Variants in CACNA1C observed in about 807,000 individuals in gnomAD.
CACNA1C encodes the protein voltage-dependent L-type calcium channel subunit alpha-1C.
A neutral mutation model predicts 229.0 loss-of-function variants in CACNA1C; 30 were observed. That is an observed-to-expected ratio of 0.13 (90% CI 0.10 to 0.18). The LOEUF is 0.18. CACNA1C is among the 10% of genes least tolerant of loss of function. The probability of loss-of-function intolerance (pLI) is 1.00; values close to 1 mark genes in which losing one functional copy is unlikely to be tolerated. For missense variants in CACNA1C, 1,658 were observed against 2,845.0 expected (o/e 0.58, Z 9.49); for synonymous variants, 1,114 against 1,132.5 (o/e 0.98, Z 0.33).
chr12:2,342,887 C>T (rs568513272), intron 3 of CACNA1C, among the ~76,000 whole-genome samples: 1 of 152,262 alleles, frequency 6.6e-6, no homozygotes, highest in Admixed American at 6.5e-5. Flanking sequence ...TTTTTTATTC[C>T]ATCAGTGAAT....
intron 29 of CACNA1C, among the ~76,000 whole-genome samples, chr12:2,631,306 C>T (rs1185981156): frequency 6.6e-6 from 1 of 152,168 alleles, no homozygotes; most frequent in East Asian, 1.9e-4. Context: ...ATAATGTTTT[C>T]TTGCACGCTT....
intron 9 of CACNA1C, among the ~76,000 whole-genome samples, chr12:2,530,602 G>A (rs1235794854): frequency 6.6e-6 from 1 of 152,210 alleles, no homozygotes; most frequent in Non-Finnish European, 1.5e-5. Flanking sequence ...TCAGAGAACA[G>A]AACACAATCT....
intron 3 of CACNA1C, among the ~76,000 whole-genome samples, chr12:2,267,950 T>G (rs2083057610): frequency 6.6e-6 from 1 of 152,212 alleles, no homozygotes; most frequent in South Asian, 2.1e-4. Flanking sequence ...CGATTGCACA[T>G]AAAATGAAGA....
intron 3 of CACNA1C, among the ~76,000 whole-genome samples, chr12:2,427,259 G>A (rs899189606): frequency 1.3e-5 from 2 of 152,234 alleles, no homozygotes; most frequent in Non-Finnish European, 1.5e-5. Flanking sequence ...ACATGCCAGG[G>A]ACGGGGATGG....
chr12:2,104,638 T>C (rs1356619386), intron 1 of CACNA1C, among the ~76,000 whole-genome samples: 2 of 152,210 alleles, frequency 1.3e-5, no homozygotes. Context: ...AGGGCATCCT[T>C]GTCTTGTGCC....
intron 9 of CACNA1C, among the ~76,000 whole-genome samples, chr12:2,525,996 A>T (rs761165341): frequency 6.6e-6 from 1 of 152,108 alleles, no homozygotes; most frequent in Non-Finnish European, 1.5e-5. Flanking sequence ...TGTTGGGGAG[A>T]TAGATGGAAT....
At chr12:2,126,675 C>T (rs1014304408) in intron 3 of CACNA1C, among the ~76,000 whole-genome samples, 5 of 152,138 alleles carry the variant, frequency 3.3e-5, no homozygotes, top group South Asian at 2.1e-4. Flanking sequence ...GAGGAGAAGC[C>T]GTCCGTCAGA....
chr12:2,356,916 C>T (rs542219915), intron 3 of CACNA1C, among the ~76,000 whole-genome samples: 2 of 152,180 alleles, frequency 1.3e-5, no homozygotes, highest in African/African-American at 2.4e-5. Flanking sequence ...GCAATAATGA[C>T]CGGTTTCAAA....
intron 1 of CACNA1C, among the ~76,000 whole-genome samples, chr12:2,057,446 T>C (rs938234748): frequency 2.6e-5 from 4 of 152,196 alleles, no homozygotes; most frequent in African/African-American, 9.6e-5. Flanking sequence ...CGCCTGGTGA[T>C]GAAAGGTGTA....
chr12:2,427,035 C>T (rs1355233067), intron 3 of CACNA1C, among the ~76,000 whole-genome samples: 2 of 152,208 alleles, frequency 1.3e-5, no homozygotes, highest in Admixed American at 6.5e-5. Context: ...TGCAAAATAT[C>T]GTGGCCATTT....
chr12:2,583,242 C>A (rs560572982), intron 15 of CACNA1C, among the ~76,000 whole-genome samples: 3 of 152,314 alleles, frequency 2.0e-5, no homozygotes, highest in Admixed American at 6.5e-5. Context: ...ACACCGCCTG[C>A]GATAGGGACG....
At chr12:2,517,887 A>G (rs2099800632) in intron 9 of CACNA1C, among the ~76,000 whole-genome samples, 1 of 152,246 alleles carries the variant, frequency 6.6e-6, no homozygotes, top group South Asian at 2.1e-4. Flanking sequence ...CATCTATTAA[A>G]TATCCATCCT....
At chr12:2,128,955 G>GT (rs1459306536) in intron 3 of CACNA1C, among the ~76,000 whole-genome samples, 7 of 152,222 alleles carry the variant, frequency 4.6e-5, no homozygotes, top group African/African-American at 1.7e-4. Flanking sequence ...CCATGCAGAA[G>GT]TGGGTGAGGC....
intron 1 of CACNA1C, among the ~76,000 whole-genome samples, chr12:1,978,903 T>C (rs1369734072): frequency 2.0e-5 from 3 of 152,266 alleles, no homozygotes; most frequent in African/African-American, 4.8e-5. Context: ...TGTTCTATTA[T>C]TATATACCAA....
chr12:2,047,529 A>G (rs1483390853), intron 1 of CACNA1C, among the ~76,000 whole-genome samples: 2 of 152,238 alleles, frequency 1.3e-5, no homozygotes, highest in African/African-American at 2.4e-5. Flanking sequence ...CGCTGTATTT[A>G]AAGTGCCTAT....
At chr12:2,003,037 C>G in intron 1 of CACNA1C, among the ~76,000 whole-genome samples, 1 of 152,312 alleles carries the variant, frequency 6.6e-6, no homozygotes, top group Middle Eastern at 3.4e-3. Flanking sequence ...TCTTCCTGTT[C>G]TCCTTTTGTG....
At chr12:2,277,229 C>T (rs1055081005) in intron 3 of CACNA1C, among the ~76,000 whole-genome samples, 3 of 152,060 alleles carry the variant, frequency 2.0e-5, no homozygotes, top group Non-Finnish European at 4.4e-5. Context: ...GCCCCGTGAG[C>T]CATTACTTGG....
intron 3 of CACNA1C, among the ~76,000 whole-genome samples, chr12:2,206,811 T>C (rs2097768498): frequency 6.6e-6 from 1 of 152,216 alleles, no homozygotes; most frequent in South Asian, 2.1e-4. Flanking sequence ...GAGCACAGAT[T>C]TATCCTGCAG....
rs1446476843 is a variant in CACNA1C at position 2,682,693 on chromosome 12, C to T, written c.5573+15C>T. On this transcript the variant is annotated intron_variant, in intron 43 of 46. Coordinates refer to ENST00000399655, the MANE Select transcript of CACNA1C (RefSeq NM_000719.7). ...TCCACAGAGATGTGAGCTCTGCTGC[C>T]CTCTGCTGAGGCTGACCCAAGTGTG... is the stretch of plus-strand genomic sequence containing the variant. 1 of 1,606,666 alleles carries T rather than the reference C, an allele frequency of 6.2e-7. No homozygotes were observed.
Sources: allele counts gnomAD v4.1 joint callset (sites outside exome capture counted in the v4.1 genomes callset), GRCh38; gene constraint gnomAD v4.1.1; transcripts MANE v1.5; gene names NCBI Gene and HGNC (gene_info 2026-07-23, HGNC 2026-07-21).